The following ZMYM4 variants were observed in gnomAD, a reference collection of about 807,000 sequenced individuals.
ZMYM4 encodes zinc finger MYM-type protein 4.
In ZMYM4, 31 loss-of-function variants were observed where a neutral mutation model predicts 183.2. The ratio of observed to expected loss-of-function variants is 0.17; its 90% confidence interval spans 0.13 to 0.23. The LOEUF is 0.23. Ranked by LOEUF, ZMYM4 falls within the 10% of genes least tolerant of loss-of-function variation. The probability of loss-of-function intolerance (pLI) is 1.00; values close to 1 mark genes in which losing one functional copy is unlikely to be tolerated. For synonymous variants in ZMYM4, 592 were observed against 631.2 expected (o/e 0.94, Z 0.93); for missense variants, 1,273 against 1,840.3 (o/e 0.69, Z 5.64).
At position 35,340,781 on chromosome 1, in the gene ZMYM4, C is replaced by T. The variant is rs185487672; in HGVS notation, c.85+15376C>T. The stretch of plus-strand genomic sequence containing the variant: ...TTGCTTGTGGGATGCTGACCTCCTG[C>T]TGTGAGGCCCAGTTTCTAACAGGCC... On this transcript the variant is annotated intron_variant, in intron 2 of 29. Coordinates refer to ENST00000314607, the MANE Select transcript of ZMYM4 (RefSeq NM_005095.3). Among the ~76,000 whole-genome samples the T allele has an allele frequency of 8.5e-5, 13 of 152,276 alleles. 2 individuals carry two copies. The highest frequency in any genetic ancestry group is 2.6e-4 in the African/African-American group (11 of 41,568).
intron 10 of ZMYM4, 57 bp from the exon 11 acceptor site, chr1:35,386,017 A>C: frequency 7.8e-7 from 1 of 1,281,022 alleles, no homozygotes; most frequent in Non-Finnish European, 1.1e-6. Context: ...TTAATTTCTC[A>C]TACTTTTGTG....
At chr1:35,415,914 T>C (rs1640095930) in intron 28 of ZMYM4, among the ~76,000 whole-genome samples, 200 bp downstream of exon 28, 1 of 152,254 alleles carries the variant, frequency 6.6e-6, no homozygotes, top group Non-Finnish European at 1.5e-5. Flanking sequence ...TATACTTTCA[T>C]TGGCTTTTAA....
Position 35,304,446 on chromosome 1 carries a change from T to C in ZMYM4, c.40-20914T>C, listed in dbSNP as rs145488448. Among the ~76,000 whole-genome samples the C allele has an allele frequency of 8.6e-5, 13 of 151,938 alleles. 2 individuals are homozygous for C. The highest frequency in any genetic ancestry group is 2.7e-4 in the African/African-American group (11 of 41,350). ...AATGTATTTTCTATTATTTCAGTTA[T>C]TTGATTTTTTTTTCTTTTTTTTTTT... On this transcript the variant is annotated intron_variant, in intron 1 of 29. Transcript: ENST00000314607.
intron 2 of ZMYM4, among the ~76,000 whole-genome samples, chr1:35,328,058 T>C (rs1418611334): frequency 2.6e-5 from 4 of 152,204 alleles, no homozygotes; most frequent in African/African-American, 4.8e-5. Flanking sequence ...ATGAATCATA[T>C]AGCTTTCTAA....
At chr1:35,415,209 T>C (rs1429654893) in intron 27 of ZMYM4, among the ~76,000 whole-genome samples, 2 of 152,200 alleles carry the variant, frequency 1.3e-5, no homozygotes, top group Non-Finnish European at 2.9e-5. Flanking sequence ...TGGCCCTTTA[T>C]AAAGACAGCT....
chr1:35,280,230 TTC>T (rs1363709740), intron 1 of ZMYM4, among the ~76,000 whole-genome samples: 1 of 148,032 alleles, frequency 6.8e-6, no homozygotes, highest in East Asian at 2.0e-4. Flanking sequence ...TCCTTTCCCT[TTC>T]TCTTTCTTTC....
chr1:35,367,557 G>A (rs2148928022), intron 5 of ZMYM4, among the ~76,000 whole-genome samples: 1 of 152,198 alleles, frequency 6.6e-6, no homozygotes, highest in South Asian at 2.1e-4. Flanking sequence ...GTTTCGTTAG[G>A]ATAGCATGAT....
At chr1:35,327,979 G>T (rs191503738) in intron 2 of ZMYM4, among the ~76,000 whole-genome samples, 7 of 152,074 alleles carry the variant, frequency 4.6e-5, no homozygotes, top group Non-Finnish European at 1.5e-5. Flanking sequence ...ACTCACTTTC[G>T]CCAAATAATG....
At chr1:35,318,670 C>T (rs963842114) in intron 1 of ZMYM4, among the ~76,000 whole-genome samples, 2 of 152,076 alleles carry the variant, frequency 1.3e-5, no homozygotes, top group African/African-American at 4.8e-5. Flanking sequence ...CTTGGCCTGG[C>T]TGGTCTTGAA....
At chr1:35,417,580 G>A (rs1210993067) in intron 28 of ZMYM4, among the ~76,000 whole-genome samples, 1 of 152,108 alleles carries the variant, frequency 6.6e-6, no homozygotes, top group Non-Finnish European at 1.5e-5. Flanking sequence ...GCTTGTACCT[G>A]TAGTCCCAGC....
chr1:35,385,349 A>T (rs1189118418), intron 9 of ZMYM4, 93 bp from the exon 10 acceptor site: 1 of 1,322,386 alleles, frequency 7.6e-7, no homozygotes, highest in African/African-American at 1.5e-5. Context: ...ACTGATTTCA[A>T]ATATTTCAAA....
chr1:35,374,861 G>A (rs1644301411), intron 7 of ZMYM4, among the ~76,000 whole-genome samples: 1 of 151,932 alleles, frequency 6.6e-6, no homozygotes, highest in Non-Finnish European at 1.5e-5. Context: ...CCAGTCTCTG[G>A]TGTTTGCCTA....
intron 1 of ZMYM4, chr1:35,310,533 A>C (rs1485881824): frequency 6.5e-6 from 1 of 153,100 alleles, no homozygotes; most frequent in African/African-American, 2.4e-5. Flanking sequence ...TATGTTGCAT[A>C]CGTATGTATT....
rs192918736 is a variant in ZMYM4, at chr1:35,407,033, G to A, written c.3797-975G>A. Among the ~76,000 whole-genome samples, 13 of 152,246 alleles carry A rather than the reference G, an allele frequency of 8.5e-5. 2 individuals are homozygous for A. The highest frequency in any genetic ancestry group is 2.6e-4 in the African/African-American group (11 of 41,540). On this transcript the variant is annotated intron_variant, in intron 25 of 29. Transcript: ENST00000314607. Reference sequence around the variant, plus strand: ...CACCCAAGTCCCCTGAACCTTTGCAGCCTGTGACCTAGCAAAGGGAATACT... The same window carrying A: ...CACCCAAGTCCCCTGAACCTTTGCAACCTGTGACCTAGCAAAGGGAATACT...
chr1:35,395,319 A>G (rs551913204), intron 18 of ZMYM4, among the ~76,000 whole-genome samples: 20 of 151,874 alleles, frequency 1.3e-4, no homozygotes, highest in African/African-American at 4.6e-4. Context: ...TTGTTGGCCA[A>G]ATGTGGTGCC....
intron 5 of ZMYM4, among the ~76,000 whole-genome samples, chr1:35,363,272 G>A (rs564746985): frequency 9.3e-4 from 142 of 152,260 alleles, no homozygotes; most frequent in Middle Eastern, 3.4e-3. Context: ...GAGCCACCGT[G>A]CCTGGTCAAG....
intron 1 of ZMYM4, among the ~76,000 whole-genome samples, chr1:35,290,563 A>G (rs569072489): frequency 2.6e-5 from 4 of 152,114 alleles, no homozygotes; most frequent in African/African-American, 9.6e-5. Context: ...TCCAATAGCT[A>G]GGACTAGAGG....
chr1:35,413,733 G>A (rs762257298), intron 26 of ZMYM4, among the ~76,000 whole-genome samples: 1 of 152,154 alleles, frequency 6.6e-6, no homozygotes, highest in Non-Finnish European at 1.5e-5. Context: ...GTTTGAAAAC[G>A]AAGTACAAAA....
At chr1:35,380,700 T>G (rs1315024804) in intron 7 of ZMYM4, among the ~76,000 whole-genome samples, 1 of 152,150 alleles carries the variant, frequency 6.6e-6, no homozygotes, top group Non-Finnish European at 1.5e-5. Flanking sequence ...TTTGGTGGGA[T>G]TAGGGTTGGA....
Sources: gnomAD v4.1 joint callset for allele counts (sites outside exome capture counted in the v4.1 genomes callset) on GRCh38, gnomAD v4.1.1 for gene constraint, MANE v1.5 for transcripts, NCBI Gene and HGNC (gene_info 2026-07-23, HGNC 2026-07-21) for gene names.